CUX1: variants seen among roughly 807,000 people sequenced by gnomAD.
CUX1 encodes the protein cut like homeobox 1.
CUX1 carries 31 observed loss-of-function variants against 158.8 expected under a neutral mutation model. That is an observed-to-expected ratio of 0.20 (90% CI 0.15 to 0.26). The LOEUF (loss-of-function observed/expected upper bound fraction) is 0.26, where lower values mean the gene tolerates loss of function less well. Ranked by LOEUF, CUX1 falls within the 10% of genes least tolerant of loss-of-function variation. The pLI is 1.00. For missense variants in CUX1, 1,589 were observed against 2,014.6 expected (o/e 0.79, Z 4.04); for synonymous variants, 879 against 862.1 (o/e 1.02, Z -0.34).
At chr7:101,816,390 G>T (rs1251074656), upstream of CUX1, among the ~76,000 whole-genome samples, 2 of 141,702 alleles carry the variant, frequency 1.4e-5, no homozygotes, top group African/African-American at 2.5e-5. Context: ...CACCCCGGGC[G>T]CCCCCCCGGG....
chr7:102,102,423 CAAAAAAAAA>C (rs67525163), intron 5 of CUX1, among the ~76,000 whole-genome samples: 19 of 74,994 alleles, frequency 2.5e-4, no homozygotes, highest in African/African-American at 9.5e-4. Context: ...GACTCCGCCT[CAAAAAAAAA>C]AAAAAAAAAA....
At chr7:102,225,535 A>C (rs1454772644) in intron 20 of CUX1, among the ~76,000 whole-genome samples, 2 of 152,178 alleles carry the variant, frequency 1.3e-5, no homozygotes, top group African/African-American at 2.4e-5. Context: ...ATGTTGACTG[A>C]GTGACCTGCT....
At chr7:101,816,859 G>C (rs1003991722), upstream of CUX1, 9 of 955,894 alleles carry the variant, frequency 9.4e-6, no homozygotes, top group Non-Finnish European at 9.9e-6. Flanking sequence ...CGCCGCCCCC[G>C]GCTGTCACCG....
intron 3 of CUX1, 143 bp from the exon 4 acceptor site, chr7:102,070,196 G>GT: frequency 3.1e-6 from 2 of 653,636 alleles, no homozygotes; most frequent in Non-Finnish European, 5.2e-6. Flanking sequence ...GTGTTTGCAG[G>GT]CATTTCCTCT....
At chr7:102,160,166 G>A (rs1010225536) in intron 9 of CUX1, among the ~76,000 whole-genome samples, 2 of 147,782 alleles carry the variant, frequency 1.4e-5, no homozygotes, top group East Asian at 3.9e-4. Flanking sequence ...ATGACAGAGC[G>A]AGAATCTGTC....
intron 7 of CUX1, among the ~76,000 whole-genome samples, chr7:102,113,986 T>G (rs1831202936): frequency 6.6e-6 from 1 of 152,178 alleles, no homozygotes; most frequent in African/African-American, 2.4e-5. Context: ...AGGAGCCTCT[T>G]GGGAGGCCAG....
intron 5 of CUX1, among the ~76,000 whole-genome samples, chr7:102,099,632 C>T (rs1829579840): frequency 6.6e-6 from 1 of 152,056 alleles, no homozygotes. Flanking sequence ...GATCATAGCT[C>T]ACTGCAACAA....
At chr7:102,107,810 C>T (rs533264810) in intron 6 of CUX1, among the ~76,000 whole-genome samples, 3 of 152,332 alleles carry the variant, frequency 2.0e-5, no homozygotes, top group African/African-American at 4.8e-5. Flanking sequence ...CTTGCCTCCC[C>T]GTCTGCTCCA....
chr7:101,830,631 T>C (rs1584683628), intron 1 of CUX1, among the ~76,000 whole-genome samples: 1 of 151,882 alleles, frequency 6.6e-6, no homozygotes, highest in East Asian at 1.9e-4. Context: ...TTTTTTTACA[T>C]ATTTTTATAC....
intron 8 of CUX1, among the ~76,000 whole-genome samples, chr7:102,156,117 G>A (rs143904149): frequency 6.6e-6 from 1 of 152,266 alleles, no homozygotes; most frequent in Non-Finnish European, 1.5e-5. Flanking sequence ...TCAAATCGCT[G>A]TGTGTAGTTA....
At chr7:102,032,268 T>G (rs1820875003) in intron 3 of CUX1, among the ~76,000 whole-genome samples, 1 of 152,140 alleles carries the variant, frequency 6.6e-6, no homozygotes, top group Non-Finnish European at 1.5e-5. Flanking sequence ...CATCCTTTCA[T>G]TATGATGTGT....
intron 1 of CUX1, among the ~76,000 whole-genome samples, chr7:101,894,979 G>A (rs1176214999): frequency 1.3e-5 from 2 of 152,136 alleles, no homozygotes; most frequent in East Asian, 3.9e-4. Context: ...CTGAGTACTG[G>A]TCGGCTTCCT....
chr7:101,831,251 G>A (rs1793969263), intron 1 of CUX1, among the ~76,000 whole-genome samples: 1 of 151,926 alleles, frequency 6.6e-6, no homozygotes, highest in African/African-American at 2.4e-5. Flanking sequence ...TAGGGATTGA[G>A]TGACCAGACA....
intron 2 of CUX1, among the ~76,000 whole-genome samples, chr7:101,967,024 A>T (rs414438): frequency 0.86 from 130,825 of 151,806 alleles, 56,982 homozygotes; most frequent in African/African-American, 0.97. Context: ...ATTTTATTTT[A>T]TTTTGGTGAG....
At chr7:102,244,254 G>A (rs569008788) in intron 23 of CUX1, among the ~76,000 whole-genome samples, 6 of 152,072 alleles carry the variant, frequency 3.9e-5, no homozygotes, top group Non-Finnish European at 7.4e-5. Context: ...GGGTTAAACA[G>A]GAAAAGTAGA....
At chr7:101,971,070 G>A (rs1811887137) in intron 2 of CUX1, among the ~76,000 whole-genome samples, 2 of 152,338 alleles carry the variant, frequency 1.3e-5, no homozygotes, top group South Asian at 4.1e-4. Context: ...CCTGACAACA[G>A]TCCTGAAAAA....
At chr7:102,122,782 T>G (rs1398634469) in intron 8 of CUX1, among the ~76,000 whole-genome samples, 1 of 152,148 alleles carries the variant, frequency 6.6e-6, no homozygotes, top group Non-Finnish European at 1.5e-5. Flanking sequence ...TTTACTCCTC[T>G]CCTTCATTGA....
chr7:101,946,266 C>T (rs1199627377), intron 2 of CUX1, among the ~76,000 whole-genome samples: 2 of 151,578 alleles, frequency 1.3e-5, no homozygotes, highest in Middle Eastern at 3.4e-3. Flanking sequence ...TTGCTGGGCT[C>T]GATGGCTCAC....
At chr7:102,238,626 C>T (rs770956811) in intron 22 of CUX1, among the ~76,000 whole-genome samples, 13 of 152,156 alleles carry the variant, frequency 8.5e-5, no homozygotes, top group African/African-American at 1.4e-4. Flanking sequence ...TCTCTTGCCT[C>T]GGTACCTGGG....
Sources: gnomAD v4.1 joint callset for allele counts (sites outside exome capture counted in the v4.1 genomes callset) on GRCh38, gnomAD v4.1.1 for gene constraint, MANE v1.5 for transcripts, NCBI Gene and HGNC (gene_info 2026-07-23, HGNC 2026-07-21) for gene names.